SCFD2: variants seen among roughly 807,000 people sequenced by gnomAD.
SCFD2 encodes sec1 family domain containing 2.
Under a neutral mutation model 58.9 loss-of-function variants are expected in SCFD2, and 54 were observed. The observed-to-expected ratio is 0.92, with a 90% CI of 0.74 to 1.15. The LOEUF is 1.15. Ranked by LOEUF, SCFD2 falls within the 50% of genes most tolerant of loss-of-function variation. The probability of loss-of-function intolerance (pLI) is 0.00; values close to 1 mark genes in which losing one functional copy is unlikely to be tolerated. For missense variants in SCFD2, 805 were observed against 836.6 expected (o/e 0.96, Z 0.47); for synonymous variants, 321 against 335.9 (o/e 0.96, Z 0.49).
chr4:53,236,849 TTTA>T (rs1553889883), intron 4 of SCFD2, among the ~76,000 whole-genome samples: 113 of 98,770 alleles, frequency 1.1e-3, no homozygotes, highest in African/African-American at 3.3e-3. Flanking sequence ...TATTTATTTA[TTTA>T]TTTTTTATTG....
At chr4:53,039,576 A>G (rs747915428) in intron 5 of SCFD2, among the ~76,000 whole-genome samples, 1 of 152,084 alleles carries the variant, frequency 6.6e-6, no homozygotes, top group Non-Finnish European at 1.5e-5. Flanking sequence ...GCCCTAACCA[A>G]ATTTCTCACT....
At chr4:53,052,538 T>C (rs1233176713) in intron 5 of SCFD2, among the ~76,000 whole-genome samples, 2 of 152,192 alleles carry the variant, frequency 1.3e-5, no homozygotes, top group Non-Finnish European at 1.5e-5. Flanking sequence ...TGGAATACTC[T>C]TGAATTGATC....
chr4:53,097,768 G>A (rs1220383055), intron 5 of SCFD2, among the ~76,000 whole-genome samples: 2 of 152,218 alleles, frequency 1.3e-5, no homozygotes, highest in Non-Finnish European at 2.9e-5. Context: ...TAGGAGTGGT[G>A]AGAGAGGGCA....
chr4:53,077,738 T>C (rs1490706263), intron 5 of SCFD2, among the ~76,000 whole-genome samples: 1 of 152,170 alleles, frequency 6.6e-6, no homozygotes, highest in Non-Finnish European at 1.5e-5. Context: ...GCGGCTGGCC[T>C]CATGAACATT....
chr4:53,097,698 A>G (rs990173236), intron 5 of SCFD2, among the ~76,000 whole-genome samples: 2 of 152,170 alleles, frequency 1.3e-5, no homozygotes, highest in Non-Finnish European at 2.9e-5. Flanking sequence ...CTAATTGAAT[A>G]CACTTTATTT....
intron 4 of SCFD2, among the ~76,000 whole-genome samples, chr4:53,178,692 A>G (rs528336102): frequency 6.6e-6 from 1 of 152,222 alleles, no homozygotes; most frequent in South Asian, 2.1e-4. Context: ...CAGACTATCA[A>G]ACTACTCCGA....
chr4:53,153,972 T>C (rs1386852340), intron 4 of SCFD2, among the ~76,000 whole-genome samples: 1 of 152,180 alleles, frequency 6.6e-6, no homozygotes, highest in East Asian at 1.9e-4. Context: ...GGGCCATCAC[T>C]GTCCATATTT....
intron 2 of SCFD2, among the ~76,000 whole-genome samples, chr4:53,341,692 C>A (rs1733880149): frequency 6.6e-6 from 1 of 152,096 alleles, no homozygotes; most frequent in African/African-American, 2.4e-5. Context: ...AAAAAATGTT[C>A]AGGGCCACCA....
chr4:53,072,127 G>C (rs909103793), intron 5 of SCFD2, among the ~76,000 whole-genome samples: 6 of 152,018 alleles, frequency 3.9e-5, no homozygotes, highest in African/African-American at 1.4e-4. Flanking sequence ...CAGAATCTCA[G>C]ATACTTAAAG....
At chr4:53,314,457 T>A (rs1488215804) in intron 2 of SCFD2, among the ~76,000 whole-genome samples, 1 of 152,180 alleles carries the variant, frequency 6.6e-6, no homozygotes, top group East Asian at 1.9e-4. Context: ...ACATGCTATG[T>A]CCAAATTATA....
At chr4:53,364,995 T>C in intron 1 of SCFD2, 109 bp downstream of exon 1, 2 of 1,315,374 alleles carry the variant, frequency 1.5e-6, no homozygotes, top group Non-Finnish European at 1.0e-6. Flanking sequence ...TTCATCTTTG[T>C]ATCCTCAATC....
intron 4 of SCFD2, among the ~76,000 whole-genome samples, chr4:53,249,122 G>C (rs923353240): frequency 2.0e-5 from 3 of 152,314 alleles, no homozygotes; most frequent in Middle Eastern, 3.4e-3. Context: ...GGAGCTGATG[G>C]AGCTGAAAGC....
intron 5 of SCFD2, among the ~76,000 whole-genome samples, chr4:53,044,004 C>A (rs571715905): frequency 6.6e-6 from 1 of 152,274 alleles, no homozygotes; most frequent in Admixed American, 6.5e-5. Flanking sequence ...CAAGAAAGAA[C>A]TTGCCTTTGA....
chr4:53,314,027 T>C (rs1291306874), intron 2 of SCFD2, among the ~76,000 whole-genome samples: 2 of 152,148 alleles, frequency 1.3e-5, no homozygotes, highest in Non-Finnish European at 2.9e-5. Flanking sequence ...GAAAACTATG[T>C]GATAAATTTT....
chr4:53,224,047 A>T (rs1433805784), intron 4 of SCFD2, among the ~76,000 whole-genome samples: 1 of 152,078 alleles, frequency 6.6e-6, no homozygotes, highest in Admixed American at 6.5e-5. Context: ...AAGTTCCTTC[A>T]TTCTAGCTAG....
intron 5 of SCFD2, among the ~76,000 whole-genome samples, chr4:53,033,524 C>A (rs1026339683): frequency 6.6e-6 from 1 of 151,962 alleles, no homozygotes; most frequent in South Asian, 2.1e-4. Flanking sequence ...ATCAATGAAT[C>A]CAGGAGCTAG....
chr4:53,053,156 C>T (rs13107907), intron 5 of SCFD2, among the ~76,000 whole-genome samples: 89,387 of 150,390 alleles, frequency 0.59, 27,857 homozygotes, highest in Non-Finnish European at 0.7. Flanking sequence ...ACCCAGGAGG[C>T]GGAGGTTGCA....
chr4:53,030,448 A>G (rs561878899), intron 5 of SCFD2, among the ~76,000 whole-genome samples: 49 of 151,602 alleles, frequency 3.2e-4, no homozygotes, highest in Non-Finnish European at 5.9e-4. Flanking sequence ...TTTGAGACAG[A>G]GTCTCATTCT....
intron 5 of SCFD2, among the ~76,000 whole-genome samples, chr4:52,933,446 G>C (rs1448056734): frequency 6.6e-6 from 1 of 152,174 alleles, no homozygotes; most frequent in African/African-American, 2.4e-5. Flanking sequence ...AGGGCTTCTA[G>C]GCTTTCACTT....
Sources: gnomAD v4.1 joint callset for allele counts (sites outside exome capture counted in the v4.1 genomes callset) on GRCh38, gnomAD v4.1.1 for gene constraint, MANE v1.5 for transcripts, NCBI Gene and HGNC (gene_info 2026-07-23, HGNC 2026-07-21) for gene names.